CNTLN: variants seen among roughly 807,000 people sequenced by gnomAD.
CNTLN encodes centlein.
CNTLN carries 212 observed loss-of-function variants against 180.0 expected under a neutral mutation model. The ratio of observed to expected loss-of-function variants is 1.18; its 90% CI spans 1.05 to 1.32. CNTLN has a LOEUF of 1.32. CNTLN is among the 40% of genes most tolerant of loss of function. The pLI is 0.00. For missense variants in CNTLN, 2,095 were observed against 1,610.9 expected, an observed-to-expected ratio of 1.30 and a Z score of -5.14; for synonymous variants, 722 against 563.1, an observed-to-expected ratio of 1.28 and a Z score of -3.99.
chr9:17,155,636 G>T (rs1263052216), intron 2 of CNTLN, among the ~76,000 whole-genome samples: 3 of 152,160 alleles, frequency 2.0e-5, no homozygotes, highest in Non-Finnish European at 4.4e-5. Flanking sequence ...GTCCCAGGTG[G>T]ATCTCAGATT....
chr9:17,302,364 AT>A (rs1462844008), intron 7 of CNTLN, among the ~76,000 whole-genome samples: 1 of 151,934 alleles, frequency 6.6e-6, no homozygotes, highest in Non-Finnish European at 1.5e-5. Context: ...CACTCAGCTA[AT>A]TTTTGTACTT....
intron 13 of CNTLN, among the ~76,000 whole-genome samples, chr9:17,373,950 T>C (rs10114083): frequency 0.57 from 87,288 of 152,030 alleles, 25,455 homozygotes; most frequent in East Asian, 0.73. Context: ...TGTCTTGCCA[T>C]ATACAAAAAT....
chr9:17,304,094 G>A (rs965878620), intron 7 of CNTLN, among the ~76,000 whole-genome samples: 1 of 152,056 alleles, frequency 6.6e-6, no homozygotes, highest in African/African-American at 2.4e-5. Context: ...GATGAAAACA[G>A]TTGTCCCAGG....
rs28375211 is a variant in CNTLN, at chr9:17,407,863, C to T, written c.2616-1430C>T. 8.2e-3 allele frequency among the ~76,000 whole-genome samples: 1,252 copies of T among 152,028 alleles called. 13 individuals are homozygous for T. Among genetic ancestry groups the T allele is most frequent in the African/African-American group, 0.028 (1,147 of 41,470 alleles). On this transcript the variant is annotated intron_variant, in intron 15 of 25. Transcript: ENST00000380647. Reference sequence around the variant, plus strand: ...CAGGGAGGCTGGGCGTGGTGGCTCACGCCTGTAATCCCAGCACTTTGGGAG... The same window carrying T: ...CAGGGAGGCTGGGCGTGGTGGCTCATGCCTGTAATCCCAGCACTTTGGGAG...
chr9:17,417,918 G>A (rs529987756), intron 18 of CNTLN, among the ~76,000 whole-genome samples: 114 of 152,038 alleles, frequency 7.5e-4, no homozygotes, highest in Admixed American at 1.2e-3. Context: ...GGTATAAAAA[G>A]CACCTCAGTT....
At chr9:17,448,298 C>T (rs1830566213) in intron 18 of CNTLN, 1 of 152,746 alleles carries the variant, frequency 6.5e-6, no homozygotes, top group African/African-American at 2.4e-5. Context: ...ATGAGAATTC[C>T]ACATTACCTC....
rs193125747 is a variant in CNTLN at position 17,337,268 on chromosome 9, A to G, written c.1645-3559A>G. 3.0e-3 allele frequency among the ~76,000 whole-genome samples: 453 copies of G among 151,800 alleles called. 2 individuals are homozygous for G. Among genetic ancestry groups the G allele is most frequent in the African/African-American group, 0.01 (420 of 41,354 alleles). The stretch of plus-strand genomic sequence containing the variant: ...TTTCCATTCTGTAGGTTGCCTGTTC[A>G]CTCTGATGATAGTTTCTTTTGCTGT... On this transcript the variant is annotated intron_variant, in intron 10 of 25. Transcript: ENST00000380647.
At chr9:17,407,246 T>C (rs1827464976) in intron 15 of CNTLN, among the ~76,000 whole-genome samples, 1 of 152,210 alleles carries the variant, frequency 6.6e-6, no homozygotes, top group Non-Finnish European at 1.5e-5. Flanking sequence ...TTGGTGTTTT[T>C]GAAATAAATC....
intron 10 of CNTLN, among the ~76,000 whole-genome samples, chr9:17,337,831 A>C (rs1295144702): frequency 6.6e-6 from 1 of 152,122 alleles, no homozygotes; most frequent in Non-Finnish European, 1.5e-5. Context: ...TGTACATCCT[A>C]TTCTATTTAT....
At chr9:17,476,604 A>G (rs1399570173) in intron 23 of CNTLN, among the ~76,000 whole-genome samples, 1 of 152,246 alleles carries the variant, frequency 6.6e-6, no homozygotes, top group African/African-American at 2.4e-5. Flanking sequence ...GATACACAGA[A>G]AGTTTTAGTG....
chr9:17,429,267 A>G (rs529158161), intron 18 of CNTLN, among the ~76,000 whole-genome samples: 120 of 152,170 alleles, frequency 7.9e-4, no homozygotes, highest in Non-Finnish European at 1.4e-3. Context: ...TCTTAGCTGT[A>G]ACAGAAGTTC....
intron 18 of CNTLN, among the ~76,000 whole-genome samples, chr9:17,418,433 A>G (rs995577344): frequency 6.6e-6 from 1 of 151,992 alleles, no homozygotes; most frequent in Non-Finnish European, 1.5e-5. Context: ...GGGCTCTAAC[A>G]TAATAACCAA....
chr9:17,203,378 C>G (rs1473421048), intron 2 of CNTLN, among the ~76,000 whole-genome samples: 1 of 151,858 alleles, frequency 6.6e-6, no homozygotes, highest in African/African-American at 2.4e-5. Context: ...TGAATGTTGG[C>G]CTGTCTTGCT....
intron 13 of CNTLN, among the ~76,000 whole-genome samples, chr9:17,373,568 C>A (rs1241280783): frequency 2.0e-5 from 3 of 152,010 alleles, no homozygotes; most frequent in Admixed American, 1.3e-4. Context: ...AAGCAATCTA[C>A]AGATTTAATG....
intron 7 of CNTLN, chr9:17,302,120 A>T (rs769282418): frequency 1.3e-6 from 1 of 742,720 alleles, no homozygotes; most frequent in Non-Finnish European, 1.5e-6. Context: ...ACACACACAC[A>T]GACACACACA....
chr9:17,237,018 G>T (rs908328454), intron 5 of CNTLN, among the ~76,000 whole-genome samples: 1 of 152,012 alleles, frequency 6.6e-6, no homozygotes, highest in East Asian at 1.9e-4. Context: ...TGGTTCTATG[G>T]TGGTGCTTTC....
At chr9:17,229,238 C>T (rs1824663530) in intron 3 of CNTLN, among the ~76,000 whole-genome samples, 1 of 151,680 alleles carries the variant, frequency 6.6e-6, no homozygotes. Context: ...TAAAATGCTG[C>T]AAAAAATGGA....
At position 17,463,009 on chromosome 9, in the gene CNTLN, G is replaced by A; in HGVS notation, c.3400G>A (p.Glu1134Lys). The A allele has an allele frequency of 1.9e-6, 3 of 1,563,368 alleles. No individual in the cohort carries two copies. The highest frequency in any genetic ancestry group is 2.6e-6 in the Non-Finnish European group (3 of 1,153,352). The part of the protein sequence containing the change: ...AKEEHIKEMH[E>K]KISRMERDIT... ...AGAAGAACACATAAAGGAAATGCAT[G>A]AAAAGTATGGTTTTTGTATTTCTAT... Residue 1134 changes from glutamate to lysine, a missense_variant, in exon 20 of 26, where the codon GAA becomes AAA. Coordinates refer to ENST00000380647, the MANE Select transcript of CNTLN (RefSeq NM_017738.4).
At chr9:17,308,796 T>G (rs1451854128) in intron 7 of CNTLN, among the ~76,000 whole-genome samples, 1 of 151,862 alleles carries the variant, frequency 6.6e-6, no homozygotes, top group Non-Finnish European at 1.5e-5. Context: ...CACTGGCTAA[T>G]AATACATATT....
Sources: gnomAD v4.1 joint callset for allele counts (sites outside exome capture counted in the v4.1 genomes callset) on GRCh38, gnomAD v4.1.1 for gene constraint, MANE v1.5 for transcripts, NCBI Gene and HGNC (gene_info 2026-07-23, HGNC 2026-07-21) for gene names.